The following SRCIN1 variants were observed in gnomAD, a reference collection of about 807,000 sequenced individuals.
The protein encoded by SRCIN1 is SRC kinase signaling inhibitor 1.
Under a neutral mutation model 116.2 loss-of-function variants are expected in SRCIN1, and 50 were observed. The ratio of observed to expected loss-of-function variants is 0.43; its 90% CI spans 0.34 to 0.54. SRCIN1 has a LOEUF of 0.54. SRCIN1 is among the 20% of genes least tolerant of loss of function. The pLI is 0.02. For missense variants in SRCIN1, 1,446 were observed against 1,672.0 expected, an observed-to-expected ratio of 0.86 and a Z score of 2.36; for synonymous variants, 736 against 750.0, an observed-to-expected ratio of 0.98 and a Z score of 0.30.
intron 2 of SRCIN1, among the ~76,000 whole-genome samples, chr17:38,573,952 A>T (rs1174527225): frequency 6.6e-6 from 1 of 152,248 alleles, no homozygotes; most frequent in African/African-American, 2.4e-5. Flanking sequence ...GACTTGAGTT[A>T]CACTCGGCTA....
chr17:38,570,579 C>G (rs1418098367), intron 2 of SRCIN1, among the ~76,000 whole-genome samples: 2 of 152,246 alleles, frequency 1.3e-5, no homozygotes, highest in Non-Finnish European at 2.9e-5. Flanking sequence ...AGAAGATGTT[C>G]TGTCCCCCAC....
chr17:38,545,927 C>T (rs1905046151), intron 17 of SRCIN1, among the ~76,000 whole-genome samples: 1 of 152,236 alleles, frequency 6.6e-6, no homozygotes, highest in African/African-American at 2.4e-5. Flanking sequence ...GACAACATGT[C>T]AGCCTCTGGC....
At chr17:38,571,764 A>C (rs1333878879) in intron 2 of SRCIN1, among the ~76,000 whole-genome samples, 1 of 152,188 alleles carries the variant, frequency 6.6e-6, no homozygotes, top group Non-Finnish European at 1.5e-5. Flanking sequence ...CCTAGGGACC[A>C]CGCTGTGAGA....
At chr17:38,582,895 T>A (rs796923638) in intron 1 of SRCIN1, among the ~76,000 whole-genome samples, 5 of 151,972 alleles carry the variant, frequency 3.3e-5, no homozygotes, top group Admixed American at 3.3e-4. Flanking sequence ...TGGGGGAGCA[T>A]CCTGTCCTTA....
chr17:38,533,489 C>T, intron 18 of SRCIN1, 58 bp from the exon 19 acceptor site: 1 of 1,485,170 alleles, frequency 6.7e-7, no homozygotes, highest in Non-Finnish European at 9.1e-7. Flanking sequence ...TCCATGCTGG[C>T]CCCCAGCTGA....
chr17:38,538,348 C>T (rs1034537961), intron 18 of SRCIN1, among the ~76,000 whole-genome samples: 9 of 143,476 alleles, frequency 6.3e-5, no homozygotes, highest in Non-Finnish European at 1.2e-4. Context: ...ACCCAGGAGG[C>T]GGAGGTTGCA....
At chr17:38,533,730 C>T (rs1300264203) in intron 18 of SRCIN1, among the ~76,000 whole-genome samples, 3 of 122,644 alleles carry the variant, frequency 2.4e-5, no homozygotes, top group Admixed American at 2.1e-4. Context: ...GAAGAGGCCG[C>T]GCCCAGGATG....
chr17:38,535,285 G>T (rs527506711), intron 18 of SRCIN1, among the ~76,000 whole-genome samples: 2 of 145,440 alleles, frequency 1.4e-5, no homozygotes, highest in African/African-American at 5.2e-5. Flanking sequence ...CTTGGCTCAC[G>T]GCAACCTCCG....
chr17:38,562,183 C>A lies in SRCIN1; in HGVS notation c.980G>T (p.Arg327Leu). The change falls in exon 7 of 19, where the codon CGT (arginine) becomes CTT (leucine). Residue 327 changes from arginine to leucine, a missense_variant. Arg to Leu is a moderately radical substitution (Grantham distance 102). This residue lies in a region of SRCIN1 where 239 missense variants were observed against 317.7 expected (regional missense o/e 0.75). Transcript: ENST00000617146. The surrounding 1 kb of genome is among the most constrained non-coding windows in gnomAD (Gnocchi z 4.2). ...CCCCCCGGCGTACGATAGGCGCGAA[C>A]GCGACGGCGAACCGGACTGCAGCCC... Reference protein sequence around the residue: ...PSGLQSGSPSRSRLSYAGGRP... With the variant: ...PSGLQSGSPSLSRLSYAGGRP... 2.2e-6 allele frequency: 3 copies of A among 1,390,364 alleles called. No individual in the cohort carries two copies. Among genetic ancestry groups the A allele is most frequent in the Non-Finnish European group, 2.8e-6 (3 of 1,082,044 alleles). The allele number at this position is 1,390,364 out of a possible 1,614,324, so 86.1% of individuals were successfully genotyped here. A position where few individuals can be genotyped will look rare whatever the true frequency, so the allele number is the denominator to read the frequency against.
intron 18 of SRCIN1, chr17:38,543,178 C>T (rs1186888067): frequency 2.2e-6 from 1 of 456,642 alleles, no homozygotes; most frequent in South Asian, 1.5e-5. Flanking sequence ...TGCTGCACCC[C>T]TACCCTTCCT....
intron 3 of SRCIN1, among the ~76,000 whole-genome samples, chr17:38,565,652 T>C (rs867793830): frequency 1.3e-5 from 2 of 152,332 alleles, no homozygotes; most frequent in South Asian, 2.1e-4. Flanking sequence ...TTAATCTCCA[T>C]CTTCATATTA....
chr17:38,590,962 C>T (rs1350603422), intron 1 of SRCIN1, among the ~76,000 whole-genome samples: 3 of 152,334 alleles, frequency 2.0e-5, no homozygotes, highest in African/African-American at 7.2e-5. Flanking sequence ...TTGGGGGGGC[C>T]TATTCCCCAG....
rs1056354421 is a variant in SRCIN1 at position 38,563,748 on chromosome 17, G to A, written c.542-227C>T. ...ACCCACTGGACTCCAGGCAGTTGAA[G>A]GAACTTGGACAAGGAAATGGAAGTG... On this transcript the variant is annotated intron_variant, in intron 4 of 18. Transcript: ENST00000617146. The surrounding 1 kb of genome is among the most constrained non-coding windows in gnomAD (Gnocchi z 5.8). 1.4e-6 allele frequency: 1 copy of A among 701,266 alleles called. No homozygotes were observed. The highest frequency in any genetic ancestry group is 2.7e-5 in the East Asian group (1 of 37,130). The allele number at this position is 701,266 out of a possible 1,614,324, so 43.4% of individuals were successfully genotyped here. A position where few individuals can be genotyped will look rare whatever the true frequency, so the allele number is the denominator to read the frequency against.
chr17:38,563,264 C>A lies in SRCIN1; in HGVS notation c.740+59G>T, dbSNP rs1906407660. On this transcript the variant is annotated intron_variant, in intron 5 of 18. Transcript: ENST00000617146. The surrounding 1 kb of genome is among the most constrained non-coding windows in gnomAD (Gnocchi z 5.8). ...CTGGGGAAGGGCCGGCGGGGTCCAG[C>A]ACCCTGCAGAGGAGGAGCGTGGGGA... The A allele has an allele frequency of 1.3e-6, 2 of 1,539,100 alleles. No individual in the cohort carries two copies. Among genetic ancestry groups the A allele is most frequent in the African/African-American group, 2.7e-5 (2 of 72,772 alleles).
intron 17 of SRCIN1, among the ~76,000 whole-genome samples, chr17:38,545,726 C>A (rs1905033539): frequency 6.6e-6 from 1 of 152,218 alleles, no homozygotes; most frequent in African/African-American, 2.4e-5. Flanking sequence ...TTACACCACC[C>A]ATGTGAGCCT....
chr17:38,595,264 C>T (rs1272065807), intron 1 of SRCIN1, among the ~76,000 whole-genome samples: 1 of 152,130 alleles, frequency 6.6e-6, no homozygotes, highest in African/African-American at 2.4e-5. Flanking sequence ...GTTACCCAGG[C>T]TGGAGTGCGG....
intron 2 of SRCIN1, among the ~76,000 whole-genome samples, chr17:38,573,423 G>A (rs532170308): frequency 6.6e-6 from 1 of 152,334 alleles, no homozygotes; most frequent in Non-Finnish European, 1.5e-5. Flanking sequence ...AGCCTTAGGG[G>A]CAGGGAGTGT....
Position 38,552,482 on chromosome 17 carries a change from G to A in SRCIN1, c.2445C>T (p.Cys815=), listed in dbSNP as rs1397561803. ...GGGCCAGCGTGTCCGTGACCCCGCG[G>A]CAGCGCTTGAGGAGCCCATCCAGGC... ...PQRLDGLLKR[C]RGVTDTLAQI... is the part of the protein sequence containing the mutation. Residue 815 remains cysteine, a synonymous_variant, in exon 13 of 19, where the codon TGC becomes TGT. Coordinates refer to ENST00000617146, the MANE Select transcript of SRCIN1 (RefSeq NM_025248.3). The surrounding 1 kb of genome is among the most constrained non-coding windows in gnomAD (Gnocchi z 5.3). 7.5e-6 allele frequency: 12 copies of A among 1,603,306 alleles called. No homozygotes were observed. The South Asian group carries it at 7.8e-5, about 10-fold the overall frequency.
In SRCIN1 at chr17:38,558,277, C is replaced by T. The variant is rs371782190; in HGVS notation, c.2151G>A (p.Glu717=). Reference sequence around the variant, plus strand: ...CGTCGTTGAGATAGCGCAGCCGTTCCTCTTCCACCAGGGTGCGCTGCCGCT... The same window carrying T: ...CGTCGTTGAGATAGCGCAGCCGTTCTTCTTCCACCAGGGTGCGCTGCCGCT... The part of the protein sequence containing the change: ...PLQRQRTLVE[E]ERLRYLNDEE... Residue 717 remains glutamate, a synonymous_variant, in exon 11 of 19, where the codon GAG becomes GAA. Transcript: ENST00000617146. This position sits in a 1 kb window ranked among gnomAD's most constrained non-coding sequence, Gnocchi z 4.6. 3.9e-4 allele frequency: 633 copies of T among 1,612,744 alleles called. 4 individuals carry two copies. In the African/African-American group the frequency reaches 6.6e-3, roughly 17 times the overall value.
Sources: gnomAD v4.1 joint callset for allele counts (sites outside exome capture counted in the v4.1 genomes callset) on GRCh38, gnomAD v4.1.1 for gene constraint, gnomAD v4.1.1 regional missense constraint, Gnocchi (gnomAD v3.1) non-coding constraint, MANE v1.5 for transcripts, NCBI Gene and HGNC (gene_info 2026-07-23, HGNC 2026-07-21) for gene names.